RBMS3: variants seen among roughly 807,000 people sequenced by gnomAD.
RBMS3 encodes the protein RNA binding motif single stranded interacting protein 3.
In RBMS3, 27 loss-of-function variants were observed where a neutral mutation model predicts 66.8. The ratio of observed to expected loss-of-function variants is 0.40; its 90% confidence interval spans 0.30 to 0.56. RBMS3 has a LOEUF of 0.56. Among genes scored for constraint, RBMS3 ranks in the 20% least tolerant of loss-of-function variants. The probability of loss-of-function intolerance (pLI) is 0.40; values close to 1 mark genes in which losing one functional copy is unlikely to be tolerated. For missense variants in RBMS3, 513 were observed against 549.5 expected (o/e 0.93, Z 0.66); for synonymous variants, 188 against 183.0 (o/e 1.03, Z -0.22).
rs781430927 is a variant in RBMS3, at chr3:29,618,637, G to C, written c.399+31432G>C. ...ATGATGAGCCTGCCTTGAAGTTCTT[G>C]TTCCAAAAAATCAACTTTTTGACAG... On this transcript the variant is annotated intron_variant, in intron 4 of 14. Transcript: ENST00000383767. Among the ~76,000 whole-genome samples the C allele has an allele frequency of 1.4e-4, 22 of 151,876 alleles. No individual in the cohort carries two copies. In the South Asian group the frequency reaches 2.1e-3, roughly 14 times the overall value.
At chr3:29,736,859 C>A (rs943769112) in intron 4 of RBMS3, among the ~76,000 whole-genome samples, 1 of 152,200 alleles carries the variant, frequency 6.6e-6, no homozygotes, top group African/African-American at 2.4e-5. Flanking sequence ...GAAGCGGGAG[C>A]ACCAAAGCCT....
At chr3:29,436,753 T>A (rs2041419228) in intron 2 of RBMS3, among the ~76,000 whole-genome samples, 1 of 152,220 alleles carries the variant, frequency 6.6e-6, no homozygotes, top group Admixed American at 6.5e-5. Context: ...TAGAGCCTGT[T>A]GACACACAGA....
At chr3:29,511,224 G>T (rs1366115481) in intron 3 of RBMS3, among the ~76,000 whole-genome samples, 1 of 152,128 alleles carries the variant, frequency 6.6e-6, no homozygotes, top group African/African-American at 2.4e-5. Context: ...TTGAACCCAG[G>T]AGCAGAGGTT....
chr3:29,905,081 G>A (rs1359458448), intron 10 of RBMS3, among the ~76,000 whole-genome samples: 1 of 151,782 alleles, frequency 6.6e-6, no homozygotes, highest in Admixed American at 6.6e-5. Context: ...TCCGTAAAAA[G>A]CCAAACAGTA....
At position 29,971,536 on chromosome 3, in the gene RBMS3, A is replaced by G. The variant is rs185896457; in HGVS notation, c.1099-16607A>G. On this transcript the variant is annotated intron_variant, in intron 12 of 14. Transcript: ENST00000383767. Reference sequence around the variant, plus strand: ...TCACCCTTAATTATTCAATTTAAAAAAAGAAGCCTGCTTTTTTAACGGACT... The same window carrying G: ...TCACCCTTAATTATTCAATTTAAAAGAAGAAGCCTGCTTTTTTAACGGACT... Among the ~76,000 whole-genome samples, 335 of 152,262 alleles carry G rather than the reference A, an allele frequency of 2.2e-3. 1 individual carries two copies. The highest frequency in any genetic ancestry group is 7.6e-3 in the African/African-American group (316 of 41,542).
chr3:29,409,396 A>G (rs2040170468), intron 1 of RBMS3, among the ~76,000 whole-genome samples: 1 of 152,058 alleles, frequency 6.6e-6, no homozygotes, highest in African/African-American at 2.4e-5. Flanking sequence ...CTCTAGAAGG[A>G]TATTCTGGGC....
At chr3:29,990,747 T>C (rs1189475849) in intron 13 of RBMS3, among the ~76,000 whole-genome samples, 3 of 152,310 alleles carry the variant, frequency 2.0e-5, no homozygotes, top group Non-Finnish European at 4.4e-5. Flanking sequence ...ACATACAAGT[T>C]TGTATAGGAA....
intron 10 of RBMS3, among the ~76,000 whole-genome samples, chr3:29,930,392 G>T (rs1211365509): frequency 6.6e-6 from 1 of 151,872 alleles, no homozygotes; most frequent in Non-Finnish European, 1.5e-5. Context: ...GATTACAGGC[G>T]TGAGCCACTG....
At chr3:29,589,465 C>A (rs2047648813) in intron 4 of RBMS3, among the ~76,000 whole-genome samples, 1 of 152,078 alleles carries the variant, frequency 6.6e-6, no homozygotes, top group East Asian at 1.9e-4. Flanking sequence ...CTTATTAATT[C>A]TGCTGCCTGT....
chr3:29,820,600 C>T (rs931435347), intron 6 of RBMS3, among the ~76,000 whole-genome samples: 2 of 152,130 alleles, frequency 1.3e-5, no homozygotes, highest in African/African-American at 2.4e-5. Context: ...CAAGTATCCC[C>T]TTTTGCCCTA....
At chr3:29,473,490 C>G (rs6549945) in intron 2 of RBMS3, among the ~76,000 whole-genome samples, 97,061 of 152,104 alleles carry the variant, frequency 0.64, 32,005 homozygotes, top group African/African-American at 0.8. Flanking sequence ...CTGCCAGTCC[C>G]GCGCCGTGCG....
At chr3:29,282,725 G>A (rs1221984893) in intron 1 of RBMS3, among the ~76,000 whole-genome samples, 2 of 151,964 alleles carry the variant, frequency 1.3e-5, no homozygotes, top group East Asian at 1.9e-4. Context: ...AGACTCCACC[G>A]TCTCCTTAAT....
chr3:29,997,186 T>G (rs1254458777), intron 14 of RBMS3, among the ~76,000 whole-genome samples: 1 of 152,138 alleles, frequency 6.6e-6, no homozygotes, highest in African/African-American at 2.4e-5. Context: ...GATAAATTCC[T>G]GGACACATAC....
intron 4 of RBMS3, among the ~76,000 whole-genome samples, chr3:29,649,433 C>CT (rs1425650894): frequency 9.9e-5 from 15 of 152,236 alleles, no homozygotes; most frequent in South Asian, 4.2e-4. Flanking sequence ...CATATTCTTA[C>CT]TTTTTTTAAA....
chr3:29,414,841 G>A (rs1292829662), intron 1 of RBMS3, among the ~76,000 whole-genome samples: 2 of 152,138 alleles, frequency 1.3e-5, no homozygotes, highest in Non-Finnish European at 1.5e-5. Flanking sequence ...CACGTTTAGG[G>A]CACCGTGATG....
intron 4 of RBMS3, among the ~76,000 whole-genome samples, chr3:29,734,620 T>C (rs905509370): frequency 6.6e-6 from 1 of 152,108 alleles, no homozygotes; most frequent in South Asian, 2.1e-4. Flanking sequence ...CATAGGGTGT[T>C]CCATTATGAA....
At chr3:29,505,910 T>C (rs139220078) in intron 3 of RBMS3, among the ~76,000 whole-genome samples, 3,058 of 150,764 alleles carry the variant, frequency 0.02, 41 homozygotes, top group Middle Eastern at 0.024. Flanking sequence ...TATTACTATA[T>C]TGTATGTTGA....
chr3:29,392,076 C>A (rs146283021), intron 1 of RBMS3, among the ~76,000 whole-genome samples: 1 of 151,812 alleles, frequency 6.6e-6, no homozygotes, highest in Non-Finnish European at 1.5e-5. Flanking sequence ...ATGGTGAAAC[C>A]CCATCTCTGC....
intron 12 of RBMS3, among the ~76,000 whole-genome samples, chr3:29,964,848 G>C (rs576855586): frequency 6.6e-6 from 1 of 152,118 alleles, no homozygotes; most frequent in South Asian, 2.1e-4. Context: ...CACCATATTT[G>C]TAGTCTTTTA....
Sources: allele counts gnomAD v4.1 joint callset (sites outside exome capture counted in the v4.1 genomes callset), GRCh38; gene constraint gnomAD v4.1.1; transcripts MANE v1.5; gene names NCBI Gene and HGNC (gene_info 2026-07-23, HGNC 2026-07-21).